The following DAGLA variants were observed in gnomAD, a reference collection of about 807,000 sequenced individuals.
DAGLA encodes the protein diacylglycerol lipase alpha, also known as diacylglycerol lipase-alpha.
Under a neutral mutation model 102.6 loss-of-function variants are expected in DAGLA, and 22 were observed. The ratio of observed to expected loss-of-function variants is 0.21; its 90% CI spans 0.15 to 0.31. DAGLA has a LOEUF of 0.31. Ranked by LOEUF, DAGLA falls within the 10% of genes least tolerant of loss-of-function variation. The probability of loss-of-function intolerance (pLI) is 1.00; values close to 1 mark genes in which losing one functional copy is unlikely to be tolerated. For synonymous variants in DAGLA, 578 were observed against 628.9 expected, an observed-to-expected ratio of 0.92 and a Z score of 1.21; for missense variants, 927 against 1,446.6, an observed-to-expected ratio of 0.64 and a Z score of 5.83.
In DAGLA at chr11:61,744,381, C is replaced by T. The variant is rs2065516838; in HGVS notation, c.3021C>T (p.Gly1007=). ...AGCTCATGGACCTGACGCCCACGGG[C>T]CTCAGTAGCCAGGAATGCCTGGCGG... is the stretch of plus-strand genomic sequence containing the variant. ...SGELMDLTPT[G]LSSQECLAAD... The change falls in exon 20 of 20, where the codon GGC becomes GGT. Residue 1007 remains glycine (G), a synonymous_variant. Transcript: ENST00000257215. The T allele has an allele frequency of 6.2e-7, 1 of 1,611,518 alleles. No individual in the cohort carries two copies. Among genetic ancestry groups the T allele is most frequent in the Non-Finnish European group, 8.5e-7 (1 of 1,179,038 alleles).
At chr11:61,715,516 C>T (rs1337142953) in intron 1 of DAGLA, among the ~76,000 whole-genome samples, 1 of 152,224 alleles carries the variant, frequency 6.6e-6, no homozygotes, top group Non-Finnish European at 1.5e-5. Flanking sequence ...GTCTTGCTGC[C>T]AAGGGACTCT....
chr11:61,720,050 T>C, intron 1 of DAGLA, 62 bp from the exon 2 acceptor site: 3 of 1,153,250 alleles, frequency 2.6e-6, no homozygotes, highest in Non-Finnish European at 1.3e-6. Context: ...GCCCAAGGAA[T>C]GCAGTGGCCC....
Position 61,684,048 on chromosome 11 carries a change from C to G in DAGLA, c.-45+3544C>G, listed in dbSNP as rs377237374. Among the ~76,000 whole-genome samples the G allele has an allele frequency of 6.6e-6, 1 of 152,212 alleles. No homozygotes were observed. Among genetic ancestry groups the G allele is most frequent in the Non-Finnish European group, 1.5e-5 (1 of 68,030 alleles). On this transcript the variant is annotated intron_variant, in intron 1 of 19. Coordinates refer to ENST00000257215, the MANE Select transcript of DAGLA (RefSeq NM_006133.3). The surrounding 1 kb of genome is among the most constrained non-coding windows in gnomAD (Gnocchi z 4.5). ...CTGTGCTTTAGGGGTGCCGGGGAGC[C>G]AGGCATCTGTGGCCAGAGGATGCTG...
intron 1 of DAGLA, among the ~76,000 whole-genome samples, chr11:61,705,148 C>T (rs918818224): frequency 2.0e-5 from 3 of 152,196 alleles, no homozygotes; most frequent in African/African-American, 4.8e-5. Context: ...GTTCTCAAGG[C>T]GTTCCTCTGG....
In DAGLA at chr11:61,727,029, C is replaced by T. The variant is rs540967374; in HGVS notation, c.636+947C>T. Among the ~76,000 whole-genome samples the T allele has an allele frequency of 9.8e-5, 15 of 152,348 alleles. No individual in the cohort carries two copies. In the South Asian group the frequency reaches 3.1e-3, roughly 32 times the overall value. On this transcript the variant is annotated intron_variant, in intron 6 of 19. Coordinates refer to ENST00000257215, the MANE Select transcript of DAGLA (RefSeq NM_006133.3). The stretch of plus-strand genomic sequence containing the variant: ...CTGGGGCTGCTGTGTGGAGGGCACG[C>T]CTGCCCCTCTGGGTGCACGGGCAGA...
At chr11:61,700,333 G>C (rs1352892272) in intron 1 of DAGLA, among the ~76,000 whole-genome samples, 1 of 152,196 alleles carries the variant, frequency 6.6e-6, no homozygotes, top group Non-Finnish European at 1.5e-5. Context: ...CCTGCAAGGA[G>C]AGCCTGTCTT....
rs1177683041 is a variant in DAGLA at position 61,684,936 on chromosome 11, C to T, written c.-45+4432C>T. On this transcript the variant is annotated intron_variant, in intron 1 of 19. Transcript: ENST00000257215. This position sits in a 1 kb window ranked among gnomAD's most constrained non-coding sequence, Gnocchi z 4.5. ...TCATACCTCATGTTATGACTCTTTA[C>T]ATGAGGAGCCGAGTGCTTTCTCAGT... Among the ~76,000 whole-genome samples the T allele has an allele frequency of 1.3e-5, 2 of 152,068 alleles. No individual in the cohort carries two copies. Among genetic ancestry groups the T allele is most frequent in the Non-Finnish European group, 2.9e-5 (2 of 67,994 alleles).
At chr11:61,731,816 C>T (rs1237305580) in intron 9 of DAGLA, among the ~76,000 whole-genome samples, 1 of 152,190 alleles carries the variant, frequency 6.6e-6, no homozygotes, top group African/African-American at 2.4e-5. Context: ...CTGGCGTTCT[C>T]TCTCTGCCCC....
Position 61,743,814 on chromosome 11 carries a change from C to T in DAGLA, c.2454C>T (p.Gly818=). 6.2e-7 allele frequency: 1 copy of T among 1,612,558 alleles called. No homozygotes were observed. The highest frequency in any genetic ancestry group is 8.5e-7 in the Non-Finnish European group (1 of 1,179,952). ...SLHAVLERDE[G]HLFYIDPAIP... is the part of the protein sequence containing the mutation. ...ACGCTGTGCTGGAGCGTGATGAAGG[C>T]CACCTCTTCTACATTGACCCTGCCA... The change falls in exon 20 of 20, where the codon GGC becomes GGT. Residue 818 remains glycine, a synonymous_variant. Coordinates refer to ENST00000257215, the MANE Select transcript of DAGLA (RefSeq NM_006133.3).
At chr11:61,685,602 G>T (rs532922421) in intron 1 of DAGLA, among the ~76,000 whole-genome samples, 2 of 152,284 alleles carry the variant, frequency 1.3e-5, no homozygotes, top group East Asian at 3.9e-4. Flanking sequence ...GAGCCTATAA[G>T]GTGTAGATTC....
intron 1 of DAGLA, among the ~76,000 whole-genome samples, chr11:61,689,692 G>T (rs900431401): frequency 1.3e-5 from 2 of 152,114 alleles, no homozygotes; most frequent in Non-Finnish European, 2.9e-5. Flanking sequence ...TTTTAGTAGA[G>T]ACAGGGTTTC....
At chr11:61,716,484 G>C (rs2065236366) in intron 1 of DAGLA, among the ~76,000 whole-genome samples, 1 of 152,138 alleles carries the variant, frequency 6.6e-6, no homozygotes, top group Non-Finnish European at 1.5e-5. Context: ...AGCATGTTTG[G>C]GGTGTCGAGA....
intron 4 of DAGLA, among the ~76,000 whole-genome samples, chr11:61,723,184 G>T (rs975160640): frequency 1.3e-5 from 2 of 152,176 alleles, no homozygotes; most frequent in Non-Finnish European, 2.9e-5. Flanking sequence ...TCAAGCCGAG[G>T]CTCCTCAGCA....
Position 61,680,556 on chromosome 11 carries a change from G to A in DAGLA, c.-45+52G>A, listed in dbSNP as rs572868070. On this transcript the variant is annotated intron_variant, in intron 1 of 19. Transcript: ENST00000257215. The stretch of plus-strand genomic sequence containing the variant: ...CCGGTCCTGGGCGCGGGCGCGGTGC[G>A]AGCGGCGCGGCGGGCTGGGCAGTGT... The A allele has an allele frequency of 2.3e-3, 338 of 149,308 alleles. 7 individuals are homozygous for A. In the South Asian group the frequency reaches 0.031, roughly 14 times the overall value. The allele number at this position is 149,308 out of a possible 1,614,324, so 9.2% of individuals were successfully genotyped here.
At chr11:61,726,267 C>T (rs2065325773) in intron 6 of DAGLA, among the ~76,000 whole-genome samples, 185 bp downstream of exon 6, 1 of 152,230 alleles carries the variant, frequency 6.6e-6, no homozygotes, top group African/African-American at 2.4e-5. Context: ...CTCCAGCACG[C>T]AGGACCACGT....
intron 1 of DAGLA, among the ~76,000 whole-genome samples, chr11:61,694,695 G>A (rs1396622925): frequency 2.0e-5 from 3 of 152,206 alleles, no homozygotes; most frequent in Non-Finnish European, 4.4e-5. Flanking sequence ...GTTTTCCATC[G>A]AGTGGCTCCG....
chr11:61,735,093 C>T, intron 10 of DAGLA, 91 bp downstream of exon 10: 1 of 1,466,900 alleles, frequency 6.8e-7, no homozygotes, highest in Admixed American at 1.8e-5. Flanking sequence ...GGCAGGAGCC[C>T]TTGCTTGGCT....
chr11:61,697,218 G>A (rs1178376280), intron 1 of DAGLA, among the ~76,000 whole-genome samples: 1 of 152,190 alleles, frequency 6.6e-6, no homozygotes, highest in African/African-American at 2.4e-5. Context: ...TTTGTGGGTA[G>A]CCCCAGGGTA....
At chr11:61,731,228 C>A in intron 8 of DAGLA, 89 bp from the exon 9 acceptor site, 13 of 1,539,256 alleles carry the variant, frequency 8.4e-6, no homozygotes, top group Non-Finnish European at 1.1e-5. Flanking sequence ...GGGTTGGGTC[C>A]GCAGGCTCCC....
Sources: gnomAD v4.1 joint callset for allele counts (sites outside exome capture counted in the v4.1 genomes callset) on GRCh38, gnomAD v4.1.1 for gene constraint, Gnocchi (gnomAD v3.1) non-coding constraint, MANE v1.5 for transcripts, NCBI Gene and HGNC (gene_info 2026-07-23, HGNC 2026-07-21) for gene names.